NAALADL2: variants seen among roughly 807,000 people sequenced by gnomAD.
The protein encoded by NAALADL2 is N-acetylated alpha-linked acidic dipeptidase like 2, also known as inactive N-acetylated-alpha-linked acidic dipeptidase-like protein 2.
NAALADL2 carries 76 observed loss-of-function variants against 87.2 expected under a neutral mutation model. The observed-to-expected ratio is 0.87, with a 90% confidence interval of 0.72 to 1.05. NAALADL2 has a LOEUF of 1.05. Among genes scored for constraint, NAALADL2 ranks in the 50% least tolerant of loss-of-function variants. NAALADL2 has a pLI of 0.00. For missense variants in NAALADL2, 1,089 were observed against 945.8 expected (o/e 1.15, Z -1.99); for synonymous variants, 354 against 331.0 (o/e 1.07, Z -0.75).
At chr3:174,969,957 G>T (rs1017164762) in intron 1 of NAALADL2, among the ~76,000 whole-genome samples, 3 of 152,154 alleles carry the variant, frequency 2.0e-5, no homozygotes, top group African/African-American at 7.2e-5. Context: ...CATGTGTCTT[G>T]GATCAAAACA....
chr3:174,857,130 A>G (rs1725937728), upstream of NAALADL2, among the ~76,000 whole-genome samples: 1 of 152,184 alleles, frequency 6.6e-6, no homozygotes, highest in Non-Finnish European at 1.5e-5. Context: ...ACTGAATTCA[A>G]CAAGAATTTC....
At chr3:175,194,595 T>C (rs1738703030) in intron 2 of NAALADL2, among the ~76,000 whole-genome samples, 1 of 151,894 alleles carries the variant, frequency 6.6e-6, no homozygotes, top group African/African-American at 2.4e-5. Context: ...CTATAAATAC[T>C]GAGTTGTTAT....
At chr3:174,518,602 A>T (rs1345047620) in intron 1 of NAALADL2, among the ~76,000 whole-genome samples, 3 of 152,146 alleles carry the variant, frequency 2.0e-5, no homozygotes, top group Non-Finnish European at 4.4e-5. Context: ...AATCACCTTA[A>T]CATGACCTGT....
chr3:174,942,093 AATGGTCTGTGTGTTT>A lies in NAALADL2; in HGVS notation c.43+82647_43+82661del, dbSNP rs753550343. Among the ~76,000 whole-genome samples, 120 of 152,050 alleles carry A rather than the reference AATGGTCTGTGTGTTT, an allele frequency of 7.9e-4. 1 individual carries two copies. The highest frequency in any genetic ancestry group is 6.8e-3 in the Middle Eastern group (2 of 294). ...GCTTCTCGGGTTGCTTTATAGTGAC[AATGGTCTGTGTGTTT>A]ATGCAAGTTTTTGTATAAACATGCT... On this transcript the variant is annotated intron_variant, in intron 1 of 13. Transcript: ENST00000454872.
At chr3:175,602,369 CT>C (rs1723077546) in intron 10 of NAALADL2, among the ~76,000 whole-genome samples, 1 of 151,758 alleles carries the variant, frequency 6.6e-6, no homozygotes, top group East Asian at 1.9e-4. Context: ...ATATTCTGAA[CT>C]TTAATACACA....
intron 2 of NAALADL2, among the ~76,000 whole-genome samples, chr3:174,625,907 T>C (rs371564495): frequency 6.6e-6 from 1 of 152,220 alleles, no homozygotes; most frequent in East Asian, 1.9e-4. Flanking sequence ...TTCTTCACAA[T>C]GTTAATATCT....
chr3:174,657,485 C>T (rs1050449431), intron 2 of NAALADL2, among the ~76,000 whole-genome samples: 11 of 151,998 alleles, frequency 7.2e-5, no homozygotes, highest in African/African-American at 9.7e-5. Context: ...CATCATGTTT[C>T]GGAAATTTTA....
At chr3:175,564,216 T>C (rs1716742039) in intron 9 of NAALADL2, among the ~76,000 whole-genome samples, 1 of 152,128 alleles carries the variant, frequency 6.6e-6, no homozygotes, top group African/African-American at 2.4e-5. Context: ...GATTTACAGC[T>C]GCCCTCTAAC....
At position 174,584,257 on chromosome 3, in the gene NAALADL2, CG is replaced by C. The variant is rs201702923; in HGVS notation, c.-115+33621del. Among the ~76,000 whole-genome samples, 974 of 152,136 alleles carry C rather than the reference CG, an allele frequency of 6.4e-3. 9 individuals are homozygous for C. Among genetic ancestry groups the C allele is most frequent in the African/African-American group, 0.022 (912 of 41,524 alleles). ...GAGAAATTTTACTTTATCCAGAAAA[CG>C]TATGTCGAAGTGAAACAAAAGCAAG... On this transcript the variant is annotated intron_variant, in intron 2 of 3. Coordinates refer to the NAALADL2 transcript ENST00000434257.
Position 174,698,870 on chromosome 3 carries a change from G to GAAAAAAAAAAAAAA in NAALADL2, c.-114-38758_-114-38757insAAAAAAAAAAAAAA, listed in dbSNP as rs1008476334. On this transcript the variant is annotated intron_variant, in intron 2 of 3. Transcript: ENST00000434257. ...CAGAGCGAGACTCCGTCTCAAAGAA[G>GAAAAAAAAAAAAAA]AAAAAAAAAAAAATTCTATTTAGAA... is the stretch of plus-strand genomic sequence containing the variant. Among the ~76,000 whole-genome samples, 17 of 83,028 alleles carry GAAAAAAAAAAAAAA rather than the reference G, an allele frequency of 2.0e-4. 1 individual carries two copies. The highest frequency in any genetic ancestry group is 1.3e-3 in the African/African-American group (15 of 11,952). The allele number at this position is 83,028 out of a possible 152,430, so 54.5% of individuals were successfully genotyped here.
chr3:175,314,666 CTATATATATATATA>C (rs60572633), intron 4 of NAALADL2, among the ~76,000 whole-genome samples: 1,058 of 30,594 alleles, frequency 0.035, 10 homozygotes, highest in Admixed American at 0.051. Context: ...ATAGTTCTAA[CTATATATATATATA>C]TATATATATA....
intron 1 of NAALADL2, among the ~76,000 whole-genome samples, chr3:174,498,301 C>G (rs1251709583): frequency 6.6e-6 from 1 of 151,890 alleles, no homozygotes; most frequent in Non-Finnish European, 1.5e-5. Flanking sequence ...GGTATATGCT[C>G]TTTATGGCTT....
intron 5 of NAALADL2, among the ~76,000 whole-genome samples, chr3:175,395,013 C>T (rs1169283718): frequency 6.6e-6 from 1 of 152,006 alleles, no homozygotes; most frequent in African/African-American, 2.4e-5. Flanking sequence ...GTCACAATTG[C>T]CAACATCACT....
chr3:174,616,991 T>C (rs1028698414), intron 2 of NAALADL2, among the ~76,000 whole-genome samples: 3 of 151,806 alleles, frequency 2.0e-5, no homozygotes, highest in African/African-American at 7.2e-5. Context: ...TAGTTGGTCT[T>C]AATACCAAGG....
At chr3:175,501,002 C>G (rs80129463) in intron 9 of NAALADL2, among the ~76,000 whole-genome samples, 3,270 of 152,100 alleles carry the variant, frequency 0.021, 116 homozygotes, top group African/African-American at 0.074. Context: ...TCAGAACAGG[C>G]AAGTTTTACA....
chr3:174,672,950 G>A (rs568554139), intron 2 of NAALADL2, among the ~76,000 whole-genome samples: 4 of 151,750 alleles, frequency 2.6e-5, no homozygotes, highest in East Asian at 1.9e-4. Flanking sequence ...GGAAACTGTC[G>A]TGGGGTTGTA....
intron 3 of NAALADL2, among the ~76,000 whole-genome samples, chr3:174,846,586 G>C (rs112249851): frequency 6.6e-6 from 1 of 152,040 alleles, no homozygotes; most frequent in Non-Finnish European, 1.5e-5. Context: ...TTCTGAGTAG[G>C]CCTCAATGTT....
At chr3:174,808,871 T>A (rs1049885708) in intron 3 of NAALADL2, among the ~76,000 whole-genome samples, 2 of 151,994 alleles carry the variant, frequency 1.3e-5, no homozygotes, top group African/African-American at 4.8e-5. Flanking sequence ...TGTATGTGTA[T>A]GTGTATGTGT....
intron 5 of NAALADL2, among the ~76,000 whole-genome samples, chr3:175,356,102 A>G (rs1173773877): frequency 6.6e-6 from 1 of 152,180 alleles, no homozygotes; most frequent in Non-Finnish European, 1.5e-5. Flanking sequence ...CCGAGGAAGA[A>G]GAACTGAAAC....
Sources: allele counts gnomAD v4.1 joint callset (sites outside exome capture counted in the v4.1 genomes callset), GRCh38; gene constraint gnomAD v4.1.1; transcripts MANE v1.5; gene names NCBI Gene and HGNC (gene_info 2026-07-23, HGNC 2026-07-21).